RPS29: variants seen among roughly 807,000 people sequenced by gnomAD.
RPS29 encodes small ribosomal subunit protein uS14.
For missense variants in RPS29, 60 were observed against 75.7 expected, an observed-to-expected ratio of 0.79 and a Z score of 0.77; for synonymous variants, 37 against 26.9, an observed-to-expected ratio of 1.37 and a Z score of -1.16.
In RPS29 at chr14:49,596,340, A is replaced by G. The variant is rs1342869330; in HGVS notation, c.-133+2060T>C. ...TATTTTTAACTCCTTATGTATTTCC[A>G]TTTTCAGTCTGTCTACAAGGAAAAC... On this transcript the variant is annotated intron_variant, in intron 1 of 3. Transcript: ENST00000556230. 2.0e-5 allele frequency among the ~76,000 whole-genome samples: 3 copies of G among 152,164 alleles called. No homozygotes were observed. The East Asian group carries it at 5.8e-4, about 29-fold the overall frequency.
upstream of RPS29, chr14:49,598,710 A>T (rs1881902711): frequency 1.4e-6 from 1 of 699,620 alleles, no homozygotes. Flanking sequence ...CACCGCTGCC[A>T]GCTGCGCGCT....
intron 1 of RPS29, chr14:49,592,294 G>A (rs1881729678): frequency 6.6e-6 from 1 of 150,664 alleles, no homozygotes; most frequent in African/African-American, 2.4e-5. Flanking sequence ...TCTGTAACTG[G>A]TTGTAATTAA....
exon 1 of RPS29, chr14:49,598,607 C>T: frequency 1.4e-6 from 1 of 701,648 alleles, no homozygotes. Context: ...GGCACACCTG[C>T]CTTCCCTCGG....
In RPS29 at chr14:49,586,274, C is replaced by G. The variant is rs1881550674; in HGVS notation, c.62+11G>C. The G allele has an allele frequency of 6.2e-7, 1 of 1,613,408 alleles. No individual in the cohort carries two copies. On this transcript the variant is annotated intron_variant, in intron 1 of 2. Transcript: ENST00000245458. ...GGCAACGCTTCCCCAAAATCACAAA[C>G]TATTTCTCACCAAGAGCGAGAACCC...
upstream of RPS29, chr14:49,586,558 T>A: frequency 1.7e-6 from 1 of 577,766 alleles, no homozygotes; most frequent in African/African-American, 1.9e-5. Flanking sequence ...CTTCTAGTGC[T>A]ATTCTGCGCC....
intron 2 of RPS29, chr14:49,585,684 T>TA: frequency 2.1e-6 from 1 of 483,016 alleles, no homozygotes; most frequent in Non-Finnish European, 3.7e-6. Context: ...CCAAACACAA[T>TA]ACACGGCACC....
intron 1 of RPS29, among the ~76,000 whole-genome samples, chr14:49,591,585 T>A (rs1238774679): frequency 6.6e-6 from 1 of 151,646 alleles, no homozygotes; most frequent in Non-Finnish European, 1.5e-5. Flanking sequence ...GTGCTGGGAT[T>A]ACAGGGATGA....
chr14:49,591,808 G>A (rs1367603107), intron 1 of RPS29, among the ~76,000 whole-genome samples: 1 of 150,954 alleles, frequency 6.6e-6, no homozygotes, highest in African/African-American at 2.4e-5. Context: ...TTTTAGTAGA[G>A]ACAGGGTTTC....
Position 49,577,637 on chromosome 14 carries a change from T to C in RPS29, c.*175A>G, listed in dbSNP as rs1881220381. ...TTTCTCCCATAACCAATGTTGGGCA[T>C]AGATCTGGCCCTCAAACCTTCTATG... On this transcript the variant is annotated 3_prime_UTR_variant, in exon 3 of 3. Coordinates refer to the RPS29 transcript ENST00000396020. 4 of 716,802 alleles carry C rather than the reference T, an allele frequency of 5.6e-6. No homozygotes were observed. In the Admixed American group the frequency reaches 6.2e-5, roughly 11 times the overall value. 44.4% of individuals were successfully genotyped at this position (716,802 alleles called of 1,614,324 possible).
At chr14:49,578,578 T>TTTTTTTTG (rs1881250613), downstream of RPS29, among the ~76,000 whole-genome samples, 2 of 148,726 alleles carry the variant, frequency 1.3e-5, no homozygotes, top group South Asian at 2.1e-4. Context: ...TTTTTTTTTT[T>TTTTTTTTG]GAGACAGGGT....
At chr14:49,585,858 A>T (rs1357779379) in intron 2 of RPS29, 92 bp downstream of exon 2, 1 of 968,034 alleles carries the variant, frequency 1.0e-6, no homozygotes, top group South Asian at 1.3e-5. Flanking sequence ...TTACCACTCC[A>T]GGGAAGATCT....
At chr14:49,596,771 A>T (rs1277396942) in intron 1 of RPS29, among the ~76,000 whole-genome samples, 1 of 137,724 alleles carries the variant, frequency 7.3e-6, no homozygotes, top group Admixed American at 7.5e-5. Context: ...AAGGACTGAG[A>T]TTGAGGCTTT....
At chr14:49,591,974 G>C (rs1373125883) in intron 1 of RPS29, among the ~76,000 whole-genome samples, 1 of 152,092 alleles carries the variant, frequency 6.6e-6, no homozygotes, top group East Asian at 1.9e-4. Context: ...TTTCTGATGA[G>C]ACAGAGCGTA....
chr14:49,594,734 C>G (rs2139522817), intron 1 of RPS29, among the ~76,000 whole-genome samples: 1 of 152,346 alleles, frequency 6.6e-6, no homozygotes, highest in Middle Eastern at 3.4e-3. Flanking sequence ...ACATGTCCTC[C>G]TTTGCACAGT....
At chr14:49,583,924 A>C (rs555665756) in intron 2 of RPS29, among the ~76,000 whole-genome samples, 1 of 152,252 alleles carries the variant, frequency 6.6e-6, no homozygotes, top group Non-Finnish European at 1.5e-5. Context: ...CCAAAACACT[A>C]GTAAATGATC....
downstream of RPS29, among the ~76,000 whole-genome samples, chr14:49,580,077 G>A (rs1439044218): frequency 6.6e-6 from 1 of 152,134 alleles, no homozygotes; most frequent in African/African-American, 2.4e-5. Flanking sequence ...ACTGTCTAGG[G>A]AGTGTTTCCC....
upstream of RPS29, among the ~76,000 whole-genome samples, chr14:49,589,882 C>A (rs992038776): frequency 6.6e-6 from 1 of 152,204 alleles, no homozygotes; most frequent in African/African-American, 2.4e-5. Context: ...AAGATCATGT[C>A]CTGTGCAACA....
At chr14:49,584,929 TCA>T (rs34004438) in intron 2 of RPS29, among the ~76,000 whole-genome samples, 39 of 149,498 alleles carry the variant, frequency 2.6e-4, no homozygotes, top group African/African-American at 9.2e-4. Context: ...GCCAAAAGTT[TCA>T]CAGTCAAAAG....
At chr14:49,589,998 T>G (rs943707712), upstream of RPS29, among the ~76,000 whole-genome samples, 2 of 152,056 alleles carry the variant, frequency 1.3e-5, no homozygotes, top group African/African-American at 2.4e-5. Flanking sequence ...TGAATACACA[T>G]GGACCCAAAG....
Sources: gnomAD v4.1 joint callset for allele counts (sites outside exome capture counted in the v4.1 genomes callset) on GRCh38, gnomAD v4.1.1 for gene constraint, MANE v1.5 for transcripts, NCBI Gene and HGNC (gene_info 2026-07-23, HGNC 2026-07-21) for gene names.